The following SACS variants were observed in gnomAD, a reference collection of about 807,000 sequenced individuals.
The protein encoded by SACS is sacsin molecular chaperone.
SACS carries 197 observed loss-of-function variants against 348.0 expected under a neutral mutation model. The ratio of observed to expected loss-of-function variants is 0.57; its 90% confidence interval spans 0.50 to 0.64. The LOEUF (loss-of-function observed/expected upper bound fraction) is 0.64, where lower values mean the gene tolerates loss of function less well. Ranked by LOEUF, SACS falls within the 30% of genes least tolerant of loss-of-function variation. SACS has a pLI of 0.00. For missense variants in SACS, 4,999 were observed against 5,360.8 expected (o/e 0.93, Z 2.11); for synonymous variants, 1,985 against 1,910.6 (o/e 1.04, Z -1.02).
intron 6 of SACS, among the ~76,000 whole-genome samples, chr13:23,361,361 G>A (rs997859270): frequency 5.9e-5 from 9 of 152,192 alleles, no homozygotes; most frequent in Non-Finnish European, 2.9e-5. Context: ...TGCCTTTGCT[G>A]TAATCAACTC....
Position 23,371,141 on chromosome 13 carries a change from C to T in SACS, c.196G>A (p.Asp66Asn), listed in dbSNP as rs546586002. The T allele has an allele frequency of 6.2e-7, 1 of 1,611,224 alleles. No homozygotes were observed. Among genetic ancestry groups the T allele is most frequent in the Non-Finnish European group, 8.5e-7 (1 of 1,177,914 alleles). ...AGATGACAATTTTTGGAAGTCAGAT[C>T]TCCAATCTTGATCCAGTCAGATAAC... ...RELSDWIKIG[D>N]LTSKNCHLFV... The change falls in exon 4 of 10, where the codon GAT becomes AAT. Residue 66 changes from aspartate (D) to asparagine (N), a missense_variant. Asp to Asn is a conservative substitution (Grantham distance 23). This residue lies in a region of SACS where 3,156 missense variants were observed against 3,380.1 expected (regional missense o/e 0.93). Transcript: ENST00000382292.
intron 1 of SACS, chr13:23,428,918 T>A (rs1463061836): frequency 1.3e-5 from 2 of 152,210 alleles, no homozygotes; most frequent in South Asian, 2.1e-4. Flanking sequence ...ATTTTGTATG[T>A]AGTTTATCTG....
rs1371167709 is a variant in SACS, at chr13:23,338,757, A to C, written c.5119T>G (p.Leu1707Val). 4.3e-6 allele frequency: 7 copies of C among 1,611,104 alleles called. No individual in the cohort carries two copies. Among genetic ancestry groups the C allele is most frequent in the Non-Finnish European group, 5.9e-6 (7 of 1,179,184 alleles). ...TTAATTATTACTGTATCTTGTGCTA[A>C]ACTGGGGTTGGTTTCCTCAATTTTC... Reference protein sequence around the residue: ...YLKIEETNPSLAQDTVIIKKK... With the variant: ...YLKIEETNPSVAQDTVIIKKK... The change falls in exon 10 of 10, where the codon TTA becomes GTA. Residue 1707 changes from leucine to valine, a missense_variant. Around this residue, in one of 6 missense-constraint regions of SACS, gnomAD observed 3,156 missense variants for 3,380.1 expected, o/e 0.93. Coordinates refer to ENST00000382292, the MANE Select transcript of SACS (RefSeq NM_014363.6).
intron 1 of SACS, among the ~76,000 whole-genome samples, chr13:23,415,215 A>G (rs897164370): frequency 2.0e-5 from 3 of 152,046 alleles, no homozygotes; most frequent in African/African-American, 7.2e-5. Flanking sequence ...TATTTTTAGT[A>G]GAGACAGGGT....
chr13:23,357,723 T>C (rs756704243), intron 7 of SACS, among the ~76,000 whole-genome samples: 5 of 144,186 alleles, frequency 3.5e-5, no homozygotes, highest in South Asian at 2.4e-4. Flanking sequence ...CTCTCAGAGA[T>C]GTCCACACTG....
rs765155455 is a variant in SACS, at chr13:23,355,372, G to C, written c.1240C>G (p.Leu414Val). The change falls in exon 8 of 10, where the codon CTG becomes GTG. Residue 414 changes from leucine to valine, a missense_variant. By Grantham distance (32) the Leu-to-Val change is conservative (BLOSUM62 1). Coordinates refer to ENST00000382292, the MANE Select transcript of SACS (RefSeq NM_014363.6). ...SSKLDSLADE[L>V]KFVPIIGIAM... The stretch of plus-strand genomic sequence containing the variant: ...ATTCCAATGATTGGGACAAATTTCA[G>C]TTCATCAGCTAAAGAGTCAAGCTTA... The C allele has an allele frequency of 1.2e-6, 2 of 1,614,076 alleles. No individual in the cohort carries two copies.
Position 23,337,938 on chromosome 13 carries a change from A to G in SACS, c.5938T>C (p.Ser1980Pro). 6.2e-7 allele frequency: 1 copy of G among 1,614,064 alleles called. No individual in the cohort carries two copies. Among genetic ancestry groups the G allele is most frequent in the Non-Finnish European group, 8.5e-7 (1 of 1,179,978 alleles). The change falls in exon 10 of 10, where the codon TCT becomes CCT. Residue 1980 changes from serine (S) to proline (P), a missense_variant. Around this residue, in one of 6 missense-constraint regions of SACS, gnomAD observed 3,156 missense variants for 3,380.1 expected, o/e 0.93. Transcript: ENST00000382292. ...GKGKELTKVF[S>P]DGSTWVSMKN... ...ATGGAAACCCAAGTAGATCCATCAG[A>G]GAAGACTTTGGTCAGTTCTTTCCCT...
chr13:23,337,641 A>C lies in SACS; in HGVS notation c.6235T>G (p.Phe2079Val). The change falls in exon 10 of 10, where the codon TTT becomes GTT. Residue 2079 changes from phenylalanine to valine, a missense_variant. This residue lies in a region of SACS where 3,156 missense variants were observed against 3,380.1 expected (regional missense o/e 0.93). Transcript: ENST00000382292. ...TCATCAACTTTTTCATTTAGAACAA[A>C]GATCATTAAAGGATCTCTAAGTTCT... is the stretch of plus-strand genomic sequence containing the variant. The part of the protein sequence containing the change: ...EAELRDPLMI[F>V]VLNEKVDEFS... The C allele has an allele frequency of 6.2e-7, 1 of 1,613,798 alleles. No individual in the cohort carries two copies. The highest frequency in any genetic ancestry group is 8.5e-7 in the Non-Finnish European group (1 of 1,179,940).
chr13:23,381,342 T>C (rs1021190348), intron 2 of SACS, among the ~76,000 whole-genome samples: 2 of 141,006 alleles, frequency 1.4e-5, no homozygotes, highest in African/African-American at 5.3e-5. Context: ...TGGCTGGACA[T>C]GGGCAGCACG....
rs576492992 is a variant in SACS, at chr13:23,376,327, TG to T, written c.21-1059del. ...TGAAAGTGTGTGGGGCTTAGAGGCTTGGGGGAACCTCAGGCTGTTCCTTTGG... is the reference window on the plus strand; with the variant it reads ...TGAAAGTGTGTGGGGCTTAGAGGCTTGGGGAACCTCAGGCTGTTCCTTTGG... On this transcript the variant is annotated intron_variant, in intron 2 of 9. Coordinates refer to ENST00000382292, the MANE Select transcript of SACS (RefSeq NM_014363.6). 9.9e-5 allele frequency among the ~76,000 whole-genome samples: 15 copies of T among 152,050 alleles called. No homozygotes were observed. In the South Asian group the frequency reaches 3.1e-3, roughly 32 times the overall value.
chr13:23,341,205 G>T lies in SACS; in HGVS notation c.2671C>A (p.Gln891Lys). 1 of 1,613,802 alleles carries T rather than the reference G, an allele frequency of 6.2e-7. No homozygotes were observed. Among genetic ancestry groups the T allele is most frequent in the South Asian group, 1.1e-5 (1 of 91,068 alleles). ...TGTGTTGGAAGTAGCGAAGTTATTT[G>T]ATTACACAATTTCTGCAATGGCATC... The part of the protein sequence containing the change: ...EKMPLQKLCN[Q>K]ITSLLPTHKD... The change falls in exon 10 of 10, where the codon CAA (glutamine) becomes AAA (lysine). Residue 891 changes from glutamine to lysine, a missense_variant. Physicochemically the swap from Gln to Lys is moderately conservative, Grantham distance 53. Coordinates refer to ENST00000382292, the MANE Select transcript of SACS (RefSeq NM_014363.6).
Position 23,355,861 on chromosome 13 carries a change from C to A in SACS, c.751G>T (p.Val251Phe), listed in dbSNP as rs776176699. 1 of 1,614,186 alleles carries A rather than the reference C, an allele frequency of 6.2e-7. No individual in the cohort carries two copies. The highest frequency in any genetic ancestry group is 1.7e-5 in the Admixed American group (1 of 60,020). ...TCCTTGGTGCTTCCAAAAATGCCAA[C>A]AAATGGTGCAAACTGGTCTGAAAGT... ...SELSDQFAPF[V>F]GIFGSTKETF... The change falls in exon 8 of 10, where the codon GTT becomes TTT. Residue 251 changes from valine to phenylalanine, a missense_variant. Val to Phe is a conservative substitution (Grantham distance 50). Transcript: ENST00000382292.
At chr13:23,358,295 A>G (rs769370325) in intron 7 of SACS, 40 bp downstream of exon 7, 2 of 1,594,036 alleles carry the variant, frequency 1.3e-6, no homozygotes, top group South Asian at 1.1e-5. Flanking sequence ...GTAAGATATA[A>G]TATTTTCTAA....
chr13:23,400,284 T>G (rs1274784881), intron 2 of SACS, among the ~76,000 whole-genome samples: 1 of 152,322 alleles, frequency 6.6e-6, no homozygotes, highest in Non-Finnish European at 1.5e-5. Flanking sequence ...AGTCACAATA[T>G]ATAGGGTCAA....
intron 1 of SACS, chr13:23,428,114 G>A (rs1428521331): frequency 3.9e-5 from 6 of 152,180 alleles, no homozygotes; most frequent in African/African-American, 1.2e-4. Flanking sequence ...ATTGCCCTTG[G>A]TGATCTCCTA....
chr13:23,422,349 C>T (rs548744629), intron 1 of SACS, among the ~76,000 whole-genome samples: 4 of 152,044 alleles, frequency 2.6e-5, no homozygotes, highest in African/African-American at 9.7e-5. Flanking sequence ...AAAGAAGTTC[C>T]AAACACACAT....
At position 23,411,329 on chromosome 13, in the gene SACS, T is replaced by A; in HGVS notation, c.-90A>T. 8.2e-7 allele frequency: 1 copy of A among 1,216,500 alleles called. No homozygotes were observed. The highest frequency in any genetic ancestry group is 1.2e-6 in the Non-Finnish European group (1 of 820,104). The allele number at this position is 1,216,500 out of a possible 1,614,324, so 75.4% of individuals were successfully genotyped here. A position where few individuals can be genotyped will look rare whatever the true frequency, so the allele number is the denominator to read the frequency against. The stretch of plus-strand genomic sequence containing the variant: ...GTCTTCCCTCTGTGCTTCCTTTAAA[T>A]GTGTACTCCAAGTTCAGCTCTTCCT... On this transcript the variant is annotated 5_prime_UTR_variant, in exon 2 of 10. Transcript: ENST00000382292.
rs994425261 is a variant in SACS at position 23,333,096 on chromosome 13, T to A, written c.10780A>T (p.Ile3594Leu). The A allele has an allele frequency of 5.0e-6, 8 of 1,613,718 alleles. No homozygotes were observed. Among genetic ancestry groups the A allele is most frequent in the Non-Finnish European group, 6.8e-6 (8 of 1,179,806 alleles). The change falls in exon 10 of 10, where the codon ATA becomes TTA. Residue 3594 changes from isoleucine to leucine, a missense_variant. Ile to Leu is a conservative substitution (Grantham distance 5). Coordinates refer to ENST00000382292, the MANE Select transcript of SACS (RefSeq NM_014363.6). ...EFLRNIGLKYILSQQQLLQFA... is the reference protein window; with the variant it reads ...EFLRNIGLKYLLSQQQLLQFA... ...TGTAACAACTGCTGCTGAGAAAGTA[T>A]GTATTTTAGTCCAATATTTCTTAAG...
At position 23,408,736 on chromosome 13, in the gene SACS, C is replaced by T. The variant is rs9317676; in HGVS notation, c.20+2484G>A. Among the ~76,000 whole-genome samples, 917 of 152,130 alleles carry T rather than the reference C, an allele frequency of 6.0e-3. 10 individuals are homozygous for T. Among genetic ancestry groups the T allele is most frequent in the African/African-American group, 0.021 (864 of 41,540 alleles). ...ATCCCAGCACTTCGGGAGGCCGAGG[C>T]GGGTGGATCACGAGGTCAGGAAATC... On this transcript the variant is annotated intron_variant, in intron 2 of 9. Coordinates refer to ENST00000382292, the MANE Select transcript of SACS (RefSeq NM_014363.6).
Sources: allele counts gnomAD v4.1 joint callset (sites outside exome capture counted in the v4.1 genomes callset), GRCh38; gene constraint gnomAD v4.1.1; regional missense constraint gnomAD v4.1.1; transcripts MANE v1.5; gene names NCBI Gene and HGNC (gene_info 2026-07-23, HGNC 2026-07-21).